The following TDRP variants were observed in gnomAD, a reference collection of about 807,000 sequenced individuals.
The protein encoded by TDRP is testis development related protein, also known as testis development-related protein.
TDRP carries 12 observed loss-of-function variants against 10.5 expected under a neutral mutation model. The ratio of observed to expected loss-of-function variants is 1.15; its 90% CI spans 0.73 to 1.86. The LOEUF (loss-of-function observed/expected upper bound fraction) is 1.86, where lower values mean the gene tolerates loss of function less well. Ranked by LOEUF, TDRP falls within the 40% of genes most tolerant of loss-of-function variation. The pLI, the probability that TDRP is intolerant of heterozygous loss-of-function variation, is 0.00. For synonymous variants in TDRP, 139 were observed against 95.4 expected (o/e 1.46, Z -2.67); for missense variants, 353 against 229.2 (o/e 1.54, Z -3.49).
chr8:524,853 C>A (rs1801997097), intron 1 of TDRP, among the ~76,000 whole-genome samples: 1 of 152,146 alleles, frequency 6.6e-6, no homozygotes, highest in East Asian at 1.9e-4. Flanking sequence ...AGTTATTGGC[C>A]TTAAACAAGA....
chr8:542,365 C>T lies in TDRP; in HGVS notation c.108+2285G>A, dbSNP rs763188291. On this transcript the variant is annotated intron_variant, in intron 1 of 2. Coordinates refer to ENST00000324079, the MANE Select transcript of TDRP (RefSeq NM_001384899.1). ...ACCACAGAATGCACAACGAGTGAGC[C>T]CTCCCAGGTGAGGACCATGAGCCCG... 6.1e-4 allele frequency among the ~76,000 whole-genome samples: 93 copies of T among 151,684 alleles called. 1 individual carries two copies. The highest frequency in any genetic ancestry group is 2.4e-4 in the Non-Finnish European group (16 of 68,012).
chr8:532,212 G>A (rs781108021), intron 1 of TDRP, among the ~76,000 whole-genome samples: 2 of 152,148 alleles, frequency 1.3e-5, no homozygotes, highest in African/African-American at 4.8e-5. Context: ...ATCCAGGAAG[G>A]TGCCTGTGTT....
intron 1 of TDRP, among the ~76,000 whole-genome samples, chr8:495,404 C>A (rs1391824585): frequency 6.6e-6 from 1 of 152,204 alleles, no homozygotes; most frequent in Admixed American, 6.5e-5. Context: ...GCCCTAACTT[C>A]TACAAGTGTA....
chr8:518,025 T>C (rs1236863716), intron 1 of TDRP, among the ~76,000 whole-genome samples: 1 of 152,216 alleles, frequency 6.6e-6, no homozygotes, highest in African/African-American at 2.4e-5. Flanking sequence ...CCAGGCCTGA[T>C]GCTACACTGG....
chr8:517,037 C>G (rs1801774785), intron 1 of TDRP, among the ~76,000 whole-genome samples: 1 of 152,218 alleles, frequency 6.6e-6, no homozygotes, highest in East Asian at 1.9e-4. Context: ...CTTGGAGGAA[C>G]CAGAAAAACT....
intron 1 of TDRP, chr8:495,159 A>T (rs1265244720): frequency 6.5e-6 from 1 of 153,858 alleles, no homozygotes; most frequent in Non-Finnish European, 1.4e-5. Context: ...CTTGAGACCC[A>T]GGAGGTCAAG....
intron 1 of TDRP, among the ~76,000 whole-genome samples, chr8:533,020 C>T (rs1802247810): frequency 6.6e-6 from 1 of 152,170 alleles, no homozygotes; most frequent in Admixed American, 6.5e-5. Context: ...GAGAGGAACT[C>T]ATTTGCCCCA....
intron 2 of TDRP, among the ~76,000 whole-genome samples, chr8:492,953 C>T (rs1352120207): frequency 6.6e-6 from 1 of 152,156 alleles, no homozygotes; most frequent in Non-Finnish European, 1.5e-5. Flanking sequence ...CATTTTAGGA[C>T]ACCACTTGGC....
At chr8:540,197 T>A (rs1802456451) in intron 1 of TDRP, among the ~76,000 whole-genome samples, 1 of 152,188 alleles carries the variant, frequency 6.6e-6, no homozygotes, top group Non-Finnish European at 1.5e-5. Flanking sequence ...ACCTTTATAT[T>A]CACCGTAAGA....
At chr8:492,798 C>T in intron 2 of TDRP, 54 bp from the exon 3 acceptor site, 1 of 1,311,288 alleles carries the variant, frequency 7.6e-7, no homozygotes, top group Non-Finnish European at 1.0e-6. Context: ...GGGCCTCAAG[C>T]TTTATCCATT....
intron 1 of TDRP, among the ~76,000 whole-genome samples, chr8:533,415 C>T (rs894621818): frequency 4.6e-5 from 7 of 152,184 alleles, no homozygotes; most frequent in African/African-American, 1.7e-4. Flanking sequence ...CCTGCAGCTG[C>T]TTTTCTGCCT....
At chr8:493,735 G>C (rs1200010704) in intron 2 of TDRP, among the ~76,000 whole-genome samples, 1 of 152,074 alleles carries the variant, frequency 6.6e-6, no homozygotes, top group Non-Finnish European at 1.5e-5. Flanking sequence ...CAGTTTACCA[G>C]TCAATCCTTT....
chr8:502,963 G>A (rs939068828), intron 1 of TDRP, among the ~76,000 whole-genome samples: 8 of 151,134 alleles, frequency 5.3e-5, no homozygotes, highest in Non-Finnish European at 8.8e-5. Flanking sequence ...TGGAACCAAT[G>A]CCCATCTCAG....
At chr8:520,849 A>G (rs1329644530) in intron 1 of TDRP, among the ~76,000 whole-genome samples, 2 of 152,192 alleles carry the variant, frequency 1.3e-5, no homozygotes, top group African/African-American at 4.8e-5. Flanking sequence ...ACCCCTTATT[A>G]GAGATATGGC....
At chr8:525,880 T>G (rs1039728394) in intron 1 of TDRP, among the ~76,000 whole-genome samples, 2 of 152,146 alleles carry the variant, frequency 1.3e-5, no homozygotes, top group African/African-American at 4.8e-5. Context: ...ACAATTGCTA[T>G]TAGTATTTCT....
chr8:525,884 T>G (rs571804045), intron 1 of TDRP, among the ~76,000 whole-genome samples: 19 of 152,302 alleles, frequency 1.2e-4, no homozygotes, highest in African/African-American at 4.6e-4. Flanking sequence ...TTGCTATTAG[T>G]ATTTCTTTAA....
intron 1 of TDRP, among the ~76,000 whole-genome samples, chr8:505,331 C>G (rs574039359): frequency 6.6e-6 from 1 of 152,310 alleles, no homozygotes; most frequent in East Asian, 1.9e-4. Context: ...GTTTTAATAA[C>G]AGGTTCAATA....
chr8:519,542 G>C (rs546734784), intron 1 of TDRP, among the ~76,000 whole-genome samples: 1 of 150,840 alleles, frequency 6.6e-6, no homozygotes, highest in Admixed American at 6.6e-5. Context: ...TTTTCATCTC[G>C]TAAAACTCTA....
intron 1 of TDRP, among the ~76,000 whole-genome samples, chr8:518,455 A>G (rs910393854): frequency 2.6e-5 from 4 of 152,224 alleles, no homozygotes; most frequent in Non-Finnish European, 5.9e-5. Flanking sequence ...AAATGGAATA[A>G]AAGTATATAA....
Sources: gnomAD v4.1 joint callset for allele counts (sites outside exome capture counted in the v4.1 genomes callset) on GRCh38, gnomAD v4.1.1 for gene constraint, MANE v1.5 for transcripts, NCBI Gene and HGNC (gene_info 2026-07-23, HGNC 2026-07-21) for gene names.